Variants in DAAM1 observed in about 807,000 individuals in gnomAD.
DAAM1 encodes dishevelled associated activator of morphogenesis 1.
Under a neutral mutation model 130.0 loss-of-function variants are expected in DAAM1, and 52 were observed. The observed-to-expected ratio is 0.40, with a 90% CI of 0.32 to 0.50. DAAM1 has a LOEUF of 0.50. Among genes scored for constraint, DAAM1 ranks in the 20% least tolerant of loss-of-function variants. DAAM1 has a pLI of 0.61. For missense variants in DAAM1, 1,134 were observed against 1,303.8 expected, an observed-to-expected ratio of 0.87 and a Z score of 2.01; for synonymous variants, 452 against 444.5, an observed-to-expected ratio of 1.02 and a Z score of -0.21.
chr14:59,234,654 C>T (rs774190873), intron 1 of DAAM1, among the ~76,000 whole-genome samples: 9 of 152,110 alleles, frequency 5.9e-5, no homozygotes, highest in Non-Finnish European at 1.0e-4. Context: ...CCAGAACTCC[C>T]GATACTGTGT....
chr14:59,206,191 T>C (rs1007727022), intron 1 of DAAM1, among the ~76,000 whole-genome samples: 4 of 152,208 alleles, frequency 2.6e-5, no homozygotes, highest in Non-Finnish European at 5.9e-5. Flanking sequence ...ATGGAGAACC[T>C]GAAGAGATTT....
intron 2 of DAAM1, among the ~76,000 whole-genome samples, chr14:59,289,143 C>A (rs1883604002): frequency 6.6e-6 from 1 of 152,096 alleles, no homozygotes; most frequent in East Asian, 1.9e-4. Context: ...TCTTGATCTC[C>A]TGACCTCGTG....
At chr14:59,308,915 CG>C (rs1414783464) in intron 3 of DAAM1, among the ~76,000 whole-genome samples, 1 of 152,038 alleles carries the variant, frequency 6.6e-6, no homozygotes, top group Non-Finnish European at 1.5e-5. Flanking sequence ...TGGGCCCAAC[CG>C]GATTTTGGTA....
chr14:59,356,064 G>T (rs1886468183), intron 20 of DAAM1, among the ~76,000 whole-genome samples: 1 of 152,152 alleles, frequency 6.6e-6, no homozygotes, highest in African/African-American at 2.4e-5. Flanking sequence ...CATTAACAGG[G>T]TAGGGTCATT....
Position 59,360,791 on chromosome 14 carries a change from A to C in DAAM1, c.2634-11A>C. 6.2e-7 allele frequency: 1 copy of C among 1,612,812 alleles called. No individual in the cohort carries two copies. The highest frequency in any genetic ancestry group is 8.5e-7 in the Non-Finnish European group (1 of 1,179,336). On this transcript the variant is annotated splice_polypyrimidine_tract_variant and intron_variant, in intron 21 of 24. Transcript: ENST00000360909. ...ACATGTTGATTGCTAAAACATTGCT[A>C]TTTACAACAGCATGACTGAGCTGGA...
intron 2 of DAAM1, 75 bp downstream of exon 2, chr14:59,263,735 G>A (rs1253006): frequency 0.15 from 239,990 of 1,588,800 alleles, 19,261 homozygotes; most frequent in Middle Eastern, 0.21. Flanking sequence ...GAATGAGTTG[G>A]TTTGGTTTGA....
Position 59,367,610 on chromosome 14 carries a change from G to GATTA in DAAM1, c.2997+15_2997+18dup, listed in dbSNP as rs777683869. On this transcript the variant is annotated intron_variant, in intron 24 of 24. Coordinates refer to ENST00000360909, the MANE Select transcript of DAAM1 (RefSeq NM_001270520.2). ...CGCATGGAAGCTCAGGTGAGAGGAT[G>GATTA]ATTAATTGACCAATTCCACCTCCTA... 6.2e-7 allele frequency: 1 copy of GATTA among 1,609,412 alleles called. No individual in the cohort carries two copies. Among genetic ancestry groups the GATTA allele is most frequent in the Admixed American group, 1.7e-5 (1 of 59,734 alleles).
At chr14:59,322,843 T>C in intron 5 of DAAM1, 49 bp from the exon 6 acceptor site, 1 of 1,473,334 alleles carries the variant, frequency 6.8e-7, no homozygotes, top group Non-Finnish European at 9.3e-7. Flanking sequence ...TTAGGGGCTA[T>C]TATAAAACCC....
chr14:59,321,320 T>G (rs1392118277), intron 5 of DAAM1, among the ~76,000 whole-genome samples: 1 of 152,114 alleles, frequency 6.6e-6, no homozygotes, highest in Non-Finnish European at 1.5e-5. Context: ...GTGGGGAAAA[T>G]GTTCTCTTTG....
intron 4 of DAAM1, among the ~76,000 whole-genome samples, chr14:59,320,260 A>G (rs1303942928): frequency 6.6e-6 from 1 of 152,228 alleles, no homozygotes; most frequent in Non-Finnish European, 1.5e-5. Context: ...ATCTACATCA[A>G]AGTGTAATTA....
At chr14:59,328,430 A>C (rs907138819) in intron 12 of DAAM1, among the ~76,000 whole-genome samples, 7 of 152,226 alleles carry the variant, frequency 4.6e-5, no homozygotes, top group Non-Finnish European at 1.0e-4. Context: ...ATGGAGACTC[A>C]AGTGTGCAGG....
chr14:59,239,222 C>T (rs1030914356), intron 1 of DAAM1, among the ~76,000 whole-genome samples: 1 of 152,138 alleles, frequency 6.6e-6, no homozygotes, highest in Admixed American at 6.5e-5. Context: ...CAGGGTAATG[C>T]CCTATGGTGC....
rs1326048122 is a variant in DAAM1, at chr14:59,370,659, T to A, written c.*1800T>A. The A allele has an allele frequency of 1.3e-5, 2 of 151,988 alleles. No homozygotes were observed. Among genetic ancestry groups the A allele is most frequent in the African/African-American group, 4.8e-5 (2 of 41,396 alleles). 9.4% of individuals were successfully genotyped at this position (151,988 alleles called of 1,614,324 possible). Reference sequence around the variant, plus strand: ...AATAAATGACTAGCAAATAAAACAGTCATAAATACAAAGCAGAGGTTGCAC... The same window carrying A: ...AATAAATGACTAGCAAATAAAACAGACATAAATACAAAGCAGAGGTTGCAC... On this transcript the variant is annotated 3_prime_UTR_variant, in exon 25 of 25. Transcript: ENST00000360909.
chr14:59,199,643 C>A (rs1370878245), intron 1 of DAAM1, among the ~76,000 whole-genome samples: 4 of 152,320 alleles, frequency 2.6e-5, no homozygotes, highest in Admixed American at 2.6e-4. Context: ...CTATTTTCAA[C>A]TAAATTAAAT....
intron 1 of DAAM1, among the ~76,000 whole-genome samples, chr14:59,228,550 A>T (rs1889011670): frequency 6.6e-6 from 1 of 152,208 alleles, no homozygotes; most frequent in South Asian, 2.1e-4. Context: ...ATTTCGAATG[A>T]ATGTTAAAAG....
intron 2 of DAAM1, among the ~76,000 whole-genome samples, chr14:59,269,005 C>G (rs1422132499): frequency 6.6e-6 from 1 of 152,124 alleles, no homozygotes. Context: ...AGACGATTTC[C>G]CTTGGAATGA....
At chr14:59,352,786 A>G (rs1886336048) in intron 18 of DAAM1, among the ~76,000 whole-genome samples, 154 bp downstream of exon 18, 1 of 152,088 alleles carries the variant, frequency 6.6e-6, no homozygotes, top group Non-Finnish European at 1.5e-5. Flanking sequence ...GTGATGTGGA[A>G]TTTGTTCTGT....
Position 59,355,136 on chromosome 14 carries a change from A to G in DAAM1, c.2357-29A>G, listed in dbSNP as rs1385237776. On this transcript the variant is annotated intron_variant, in intron 19 of 24. Coordinates refer to ENST00000360909, the MANE Select transcript of DAAM1 (RefSeq NM_001270520.2). ...ATTTCAAACAACGAAACACTTGGTA[A>G]TCATGTTTTTATGTGTTTTGTTTTG... The G allele has an allele frequency of 1.9e-6, 3 of 1,596,634 alleles. No individual in the cohort carries two copies. In the Admixed American group the frequency reaches 5.3e-5, roughly 28 times the overall value.
intron 3 of DAAM1, among the ~76,000 whole-genome samples, chr14:59,305,583 C>T (rs1884346550): frequency 6.6e-6 from 1 of 152,234 alleles, no homozygotes; most frequent in South Asian, 2.1e-4. Flanking sequence ...TCAGATATAC[C>T]AGGTGCACAT....
Sources: allele counts gnomAD v4.1 joint callset (sites outside exome capture counted in the v4.1 genomes callset), GRCh38; gene constraint gnomAD v4.1.1; transcripts MANE v1.5; gene names NCBI Gene and HGNC (gene_info 2026-07-23, HGNC 2026-07-21).